EP400: variants seen among roughly 807,000 people sequenced by gnomAD.
EP400 encodes the protein E1A-binding protein p400.
In EP400, 105 loss-of-function variants were observed where a neutral mutation model predicts 354.1. The ratio of observed to expected loss-of-function variants is 0.30; its 90% CI spans 0.25 to 0.35. EP400 has a LOEUF of 0.35. EP400 is among the 10% of genes least tolerant of loss of function. EP400 has a pLI of 1.00. For synonymous variants in EP400, 1,646 were observed against 1,716.9 expected (o/e 0.96, Z 1.02); for missense variants, 3,280 against 4,121.0 (o/e 0.80, Z 5.59).
At position 132,011,489 on chromosome 12, in the gene EP400, G is replaced by T. The variant is rs1301402901; in HGVS notation, c.3305-9G>T. ...TTTGACGTGGAAAATTCTGTTTTTT[G>T]CTTTGTAGGTAATTGGGGCCCCCAT... On this transcript the variant is annotated splice_polypyrimidine_tract_variant and intron_variant, in intron 15 of 52. Coordinates refer to ENST00000389561, the MANE Select transcript of EP400 (RefSeq NM_015409.5). 6.2e-7 allele frequency: 1 copy of T among 1,608,972 alleles called. No individual in the cohort carries two copies. The highest frequency in any genetic ancestry group is 8.5e-7 in the Non-Finnish European group (1 of 1,178,616).
chr12:132,018,888 C>T lies in EP400; in HGVS notation c.4277+512C>T, dbSNP rs2136540256. ...TCTAGCAATTGGAAATATCCAAAAT[C>T]CTATGCTTGGGTTAAAAAGAAAGGA... On this transcript the variant is annotated intron_variant, in intron 21 of 52. Transcript: ENST00000389561. This position sits in a 1 kb window ranked among gnomAD's most constrained non-coding sequence, Gnocchi z 4.0. Among the ~76,000 whole-genome samples, 1 of 152,254 alleles carries T rather than the reference C, an allele frequency of 6.6e-6. No individual in the cohort carries two copies. Among genetic ancestry groups the T allele is most frequent in the East Asian group, 1.9e-4 (1 of 5,178 alleles).
rs1421565630 is a variant in EP400 at position 132,028,023 on chromosome 12, A to G, written c.5116A>G (p.Lys1706Glu). 1 of 1,610,254 alleles carries G rather than the reference A, an allele frequency of 6.2e-7. No homozygotes were observed. ...SPIGGPTQEE[K>E]TRLLKERLDQ... ...TCATCACTTTTTGATAAAGGAGGAA[A>G]AGACCAGACTCTTGAAAGAGCGCCT... The change falls in exon 27 of 53, where the codon AAG becomes GAG. Residue 1706 changes from lysine (K) to glutamate (E), a missense_variant. Coordinates refer to ENST00000389561, the MANE Select transcript of EP400 (RefSeq NM_015409.5).
In EP400 at chr12:131,999,791, G is replaced by C. The variant is rs74708475; in HGVS notation, c.2827+4835G>C. On this transcript the variant is annotated intron_variant, in intron 12 of 52. Coordinates refer to ENST00000389561, the MANE Select transcript of EP400 (RefSeq NM_015409.5). ...TTTTCTTTTCTTCATAGTCAATTAT[G>C]ATAGTCAAATTTTCTAGGAATTTCT... 4.9e-4 allele frequency among the ~76,000 whole-genome samples: 75 copies of C among 152,078 alleles called. No individual in the cohort carries two copies. In the East Asian group the frequency reaches 0.012, roughly 25 times the overall value.
chr12:132,056,186 C>T (rs936838037), intron 45 of EP400, among the ~76,000 whole-genome samples: 3 of 152,046 alleles, frequency 2.0e-5, no homozygotes, highest in African/African-American at 4.8e-5. Flanking sequence ...ATTTGTATCT[C>T]GATTTTCCAA....
Position 132,064,877 on chromosome 12 carries a change from G to T in EP400, c.8544G>T (p.Val2848=). ...LTGTTVANLQ[V]ARLTRVPTSQ... ...GCACCACCGTGGCCAACCTCCAGGT[G>T]GCCCGGCTCGTAAGTGTCAGTTTCT... The change falls in exon 48 of 53, where the codon GTG becomes GTT. Residue 2848 remains valine, a synonymous_variant. Coordinates refer to ENST00000389561, the MANE Select transcript of EP400 (RefSeq NM_015409.5). 6.2e-7 allele frequency: 1 copy of T among 1,606,972 alleles called. No homozygotes were observed. The highest frequency in any genetic ancestry group is 8.5e-7 in the Non-Finnish European group (1 of 1,177,308).
At chr12:131,981,882 G>A (rs1349655086) in intron 4 of EP400, among the ~76,000 whole-genome samples, 3 of 152,176 alleles carry the variant, frequency 2.0e-5, no homozygotes, top group Non-Finnish European at 1.5e-5. Context: ...GGTGCCCTGT[G>A]GTGATCTGGT....
chr12:131,951,671 G>A (rs949618667), intron 1 of EP400, among the ~76,000 whole-genome samples: 2 of 152,012 alleles, frequency 1.3e-5, no homozygotes, highest in African/African-American at 4.8e-5. Context: ...GCGCGATCTC[G>A]GCTCACTGCA....
intron 1 of EP400, among the ~76,000 whole-genome samples, chr12:131,956,047 T>C (rs1488256253): frequency 6.6e-6 from 1 of 152,206 alleles, no homozygotes; most frequent in African/African-American, 2.4e-5. Context: ...TGCATCTCTC[T>C]AGTCAGCTCC....
intron 11 of EP400, 68 bp downstream of exon 11, chr12:131,992,298 CG>C: frequency 6.9e-7 from 1 of 1,440,316 alleles, no homozygotes; most frequent in Non-Finnish European, 9.5e-7. Context: ...AGAGCTGCAG[CG>C]ACTTGGGGTT....
chr12:131,955,575 C>T (rs1004505722), intron 1 of EP400, among the ~76,000 whole-genome samples: 13 of 152,024 alleles, frequency 8.6e-5, no homozygotes, highest in African/African-American at 4.8e-5. Flanking sequence ...AGCCAGCGTG[C>T]TCATCCAAGT....
At chr12:132,074,967 C>T (rs560394695) in intron 51 of EP400, among the ~76,000 whole-genome samples, 2 of 152,220 alleles carry the variant, frequency 1.3e-5, no homozygotes, top group South Asian at 2.1e-4. Flanking sequence ...TTTGCTTCCG[C>T]GGGCACCTTC....
In EP400 at chr12:131,961,082, C is replaced by T. The variant is rs558525406; in HGVS notation, c.463C>T (p.Pro155Ser). 1.9e-5 allele frequency: 31 copies of T among 1,597,834 alleles called. No homozygotes were observed. The East Asian group carries it at 5.0e-4, about 26-fold the overall frequency. Residue 155 changes from proline to serine, a missense_variant, in exon 2 of 53, where the codon CCT (proline) becomes TCT (serine). Coordinates refer to ENST00000389561, the MANE Select transcript of EP400 (RefSeq NM_015409.5). The part of the protein sequence containing the change: ...QALQNVRAGA[P>S]GPGLGLCSSS... ...CTTGCAGAATGTGCGTGCAGGTGCC[C>T]CTGGCCCTGGGCTGGGCCTCTGCAG...
intron 2 of EP400, among the ~76,000 whole-genome samples, chr12:131,967,407 G>T (rs898368130): frequency 6.6e-6 from 1 of 150,572 alleles, no homozygotes; most frequent in Non-Finnish European, 1.5e-5. Context: ...AAATAAAAAG[G>T]CTGGGCACAG....
In EP400 at chr12:132,066,820, C is replaced by G; in HGVS notation, c.8600C>G (p.Thr2867Ser). ...CTGCAGGCGCAAGGGCAGATGCAGA[C>G]CCAGGCACCCCAGCCAGCCCAGGTG... Reference protein sequence around the residue: ...SQLQAQGQMQTQAPQPAQVAL... With the variant: ...SQLQAQGQMQSQAPQPAQVAL... The change falls in exon 49 of 53, where the codon ACC becomes AGC. Residue 2867 changes from threonine (T) to serine (S), a missense_variant. Physicochemically the swap from Thr to Ser is moderately conservative, Grantham distance 58 (BLOSUM62 1). This residue lies in a region of EP400 where 279 missense variants were observed against 386.7 expected (regional missense o/e 0.72). Coordinates refer to ENST00000389561, the MANE Select transcript of EP400 (RefSeq NM_015409.5). 6.2e-7 allele frequency: 1 copy of G among 1,614,012 alleles called. No individual in the cohort carries two copies. Among genetic ancestry groups the G allele is most frequent in the Non-Finnish European group, 8.5e-7 (1 of 1,179,964 alleles).
chr12:131,993,555 T>C (rs1270613174), intron 11 of EP400, among the ~76,000 whole-genome samples: 1 of 152,242 alleles, frequency 6.6e-6, no homozygotes, highest in African/African-American at 2.4e-5. Context: ...TCTCACATTC[T>C]CAGGAGCACA....
chr12:132,032,182 G>A lies in EP400; in HGVS notation c.5951+33G>A, dbSNP rs200077043. Reference sequence around the variant, plus strand: ...CCTGCGGGGGATAGGATCAGGAGATGCAAAGACATCCACATATACAGGTGA... The same window carrying A: ...CCTGCGGGGGATAGGATCAGGAGATACAAAGACATCCACATATACAGGTGA... On this transcript the variant is annotated intron_variant, in intron 30 of 52. Transcript: ENST00000389561. 1.0e-4 allele frequency: 161 copies of A among 1,591,994 alleles called. 1 individual carries two copies. The East Asian group carries it at 2.8e-3, about 28-fold the overall frequency.
chr12:132,031,108 T>G, intron 29 of EP400: 1 of 427,700 alleles, frequency 2.3e-6, no homozygotes, highest in South Asian at 1.8e-5. Flanking sequence ...AGTTGGTCAG[T>G]GATTAGGTTT....
intron 3 of EP400, among the ~76,000 whole-genome samples, chr12:131,980,311 A>C (rs1222033625): frequency 1.3e-5 from 2 of 152,132 alleles, no homozygotes; most frequent in Non-Finnish European, 2.9e-5. Context: ...ACTTTGAAAA[A>C]GTTGAGATGC....
rs1021761615 is a variant in EP400, at chr12:131,982,822, T to C, written c.1929+344T>C. 2.6e-5 allele frequency among the ~76,000 whole-genome samples: 4 copies of C among 152,052 alleles called. No homozygotes were observed. In the East Asian group the frequency reaches 7.7e-4, roughly 29 times the overall value. ...CTGTCTCTACTAAAAATACAAAAATTAGCCAGGCGTGGTGGCAAGTGCCTG... is the reference window on the plus strand; with the variant it reads ...CTGTCTCTACTAAAAATACAAAAATCAGCCAGGCGTGGTGGCAAGTGCCTG... On this transcript the variant is annotated intron_variant, in intron 5 of 52. Coordinates refer to ENST00000389561, the MANE Select transcript of EP400 (RefSeq NM_015409.5).
Sources: allele counts gnomAD v4.1 joint callset (sites outside exome capture counted in the v4.1 genomes callset), GRCh38; gene constraint gnomAD v4.1.1; regional missense constraint gnomAD v4.1.1; non-coding constraint Gnocchi (gnomAD v3.1); transcripts MANE v1.5; gene names NCBI Gene and HGNC (gene_info 2026-07-23, HGNC 2026-07-21).